The following SLC39A11 variants were observed in gnomAD, a reference collection of about 807,000 sequenced individuals.
The protein encoded by SLC39A11 is zinc transporter ZIP11.
SLC39A11 carries 33 observed loss-of-function variants against 36.1 expected under a neutral mutation model. The ratio of observed to expected loss-of-function variants is 0.91; its 90% CI spans 0.69 to 1.22. SLC39A11 has a LOEUF of 1.22. Ranked by LOEUF, SLC39A11 falls within the 50% of genes most tolerant of loss-of-function variation. The pLI is 0.00. For synonymous variants in SLC39A11, 166 were observed against 170.3 expected, an observed-to-expected ratio of 0.97 and a Z score of 0.20; for missense variants, 432 against 430.3, an observed-to-expected ratio of 1.00 and a Z score of -0.03.
intron 6 of SLC39A11, among the ~76,000 whole-genome samples, chr17:72,766,268 T>A (rs1009989697): frequency 6.6e-6 from 1 of 152,228 alleles, no homozygotes; most frequent in South Asian, 2.1e-4. Flanking sequence ...TCATCCCTTG[T>A]TAAGTTGCGC....
chr17:72,751,204 C>T (rs1240523269), intron 6 of SLC39A11, among the ~76,000 whole-genome samples: 6 of 152,194 alleles, frequency 3.9e-5, no homozygotes, highest in Non-Finnish European at 5.9e-5. Flanking sequence ...GCCAAGATCA[C>T]ACCACTGTAC....
intron 3 of SLC39A11, among the ~76,000 whole-genome samples, chr17:73,032,423 T>C (rs1598936821): frequency 6.6e-6 from 1 of 152,128 alleles, no homozygotes; most frequent in Non-Finnish European, 1.5e-5. Context: ...GCCAGGCTGG[T>C]CTCAAACTCT....
intron 3 of SLC39A11, chr17:73,067,936 A>G: frequency 1.2e-6 from 2 of 1,602,480 alleles, no homozygotes; most frequent in East Asian, 2.2e-5. Context: ...ACTCAGAGAG[A>G]GTTCCAACTT....
chr17:72,896,233 G>A (rs1344765595), intron 5 of SLC39A11, among the ~76,000 whole-genome samples: 5 of 109,916 alleles, frequency 4.5e-5, no homozygotes, highest in Non-Finnish European at 6.6e-5. Context: ...ACAGAGTCTC[G>A]CTCTGTCACC....
chr17:72,697,258 T>C (rs1019553414), intron 7 of SLC39A11, among the ~76,000 whole-genome samples: 4 of 152,178 alleles, frequency 2.6e-5, no homozygotes, highest in Admixed American at 6.5e-5. Flanking sequence ...AATTTTTGTA[T>C]TTTTTGTAGA....
At chr17:73,022,247 A>C (rs972946006) in intron 4 of SLC39A11, among the ~76,000 whole-genome samples, 1 of 152,230 alleles carries the variant, frequency 6.6e-6, no homozygotes, top group Non-Finnish European at 1.5e-5. Context: ...CCCATCACCT[A>C]AATGCGCACT....
chr17:72,700,099 T>A (rs1486288818), intron 7 of SLC39A11, among the ~76,000 whole-genome samples: 2 of 152,162 alleles, frequency 1.3e-5, no homozygotes, highest in Non-Finnish European at 2.9e-5. Flanking sequence ...CCAGTCAGCC[T>A]GCCATCGTGC....
intron 7 of SLC39A11, among the ~76,000 whole-genome samples, chr17:72,732,041 T>TTTTCTTTTC: frequency 2.6e-5 from 1 of 38,372 alleles, no homozygotes; most frequent in African/African-American, 1.3e-4. Context: ...TTTTCTTTTC[T>TTTTCTTTTC]TTTTTTTTTT....
intron 4 of SLC39A11, among the ~76,000 whole-genome samples, chr17:73,019,880 T>C (rs556558225): frequency 1.8e-4 from 27 of 152,068 alleles, no homozygotes; most frequent in Non-Finnish European, 3.7e-4. Flanking sequence ...TTATTAAATA[T>C]AAAGACTCAG....
At chr17:72,787,477 T>A (rs1435706339) in intron 6 of SLC39A11, among the ~76,000 whole-genome samples, 2 of 151,704 alleles carry the variant, frequency 1.3e-5, no homozygotes, top group Non-Finnish European at 2.9e-5. Flanking sequence ...CAAGATTGTC[T>A]CGATCTCCTG....
Position 73,070,495 on chromosome 17 carries a change from T to C in SLC39A11, c.147+14313A>G, listed in dbSNP as rs561447345. ...TTGAATTCTTAGCCTCAAAGTTACATGGAGCCTTTGAAGGGAGTCTGCTTT... is the reference window on the plus strand; with the variant it reads ...TTGAATTCTTAGCCTCAAAGTTACACGGAGCCTTTGAAGGGAGTCTGCTTT... On this transcript the variant is annotated intron_variant, in intron 3 of 9. Coordinates refer to ENST00000255559, the MANE Select transcript of SLC39A11 (RefSeq NM_139177.4). 5.9e-5 allele frequency among the ~76,000 whole-genome samples: 9 copies of C among 152,300 alleles called. 1 individual carries two copies. In the South Asian group the frequency reaches 1.0e-3, roughly 18 times the overall value.
At chr17:72,949,529 G>A (rs1206998212) in intron 4 of SLC39A11, among the ~76,000 whole-genome samples, 1 of 151,966 alleles carries the variant, frequency 6.6e-6, no homozygotes, top group Non-Finnish European at 1.5e-5. Flanking sequence ...TACCAGCACA[G>A]TCAGTGACTG....
chr17:72,906,748 C>T (rs1346270218), intron 5 of SLC39A11, among the ~76,000 whole-genome samples: 1 of 152,186 alleles, frequency 6.6e-6, no homozygotes, highest in Non-Finnish European at 1.5e-5. Flanking sequence ...AATCAAAATA[C>T]ACTTAGGTTT....
At chr17:72,810,976 G>A (rs929759098) in intron 6 of SLC39A11, among the ~76,000 whole-genome samples, 2 of 151,840 alleles carry the variant, frequency 1.3e-5, no homozygotes, top group Non-Finnish European at 2.9e-5. Flanking sequence ...TTACAGGCGT[G>A]AGCCACCATG....
At chr17:72,760,670 A>G (rs2075545747) in intron 6 of SLC39A11, among the ~76,000 whole-genome samples, 1 of 152,246 alleles carries the variant, frequency 6.6e-6, no homozygotes, top group African/African-American at 2.4e-5. Context: ...TTGACATGGT[A>G]AACACAGAAG....
At chr17:72,887,220 C>G (rs1190740410) in intron 5 of SLC39A11, among the ~76,000 whole-genome samples, 1 of 152,132 alleles carries the variant, frequency 6.6e-6, no homozygotes, top group African/African-American at 2.4e-5. Flanking sequence ...ATAAATGGAT[C>G]AGATAATGAA....
intron 5 of SLC39A11, among the ~76,000 whole-genome samples, chr17:72,872,450 T>G (rs1258338292): frequency 2.0e-5 from 3 of 152,176 alleles, no homozygotes; most frequent in Non-Finnish European, 2.9e-5. Flanking sequence ...TCAACTGGTC[T>G]CTCGAAATAA....
chr17:72,797,345 G>T (rs2076930590), intron 6 of SLC39A11, among the ~76,000 whole-genome samples: 1 of 152,080 alleles, frequency 6.6e-6, no homozygotes, highest in African/African-American at 2.4e-5. Context: ...TCTGTGAAAT[G>T]GGGTTGTAGG....
intron 4 of SLC39A11, among the ~76,000 whole-genome samples, chr17:72,959,908 C>T (rs2086502228): frequency 6.6e-6 from 1 of 152,166 alleles, no homozygotes; most frequent in Non-Finnish European, 1.5e-5. Context: ...ACCACAATTT[C>T]CCAGAGTTCC....
Sources: gnomAD v4.1 joint callset for allele counts (sites outside exome capture counted in the v4.1 genomes callset) on GRCh38, gnomAD v4.1.1 for gene constraint, MANE v1.5 for transcripts, NCBI Gene and HGNC (gene_info 2026-07-23, HGNC 2026-07-21) for gene names.